RNF130: variants seen among roughly 807,000 people sequenced by gnomAD.
RNF130 encodes E3 ubiquitin-protein ligase RNF130.
A neutral mutation model predicts 44.6 loss-of-function variants in RNF130; 21 were observed. The ratio of observed to expected loss-of-function variants is 0.47; its 90% confidence interval spans 0.33 to 0.68. The LOEUF is 0.68. RNF130 is among the 30% of genes least tolerant of loss of function. The pLI, the probability that RNF130 is intolerant of heterozygous loss-of-function variation, is 0.02. For synonymous variants in RNF130, 214 were observed against 210.4 expected (o/e 1.02, Z -0.15); for missense variants, 479 against 560.6 (o/e 0.85, Z 1.47).
intron 3 of RNF130, among the ~76,000 whole-genome samples, chr5:180,002,579 G>A (rs1763368627): frequency 6.6e-6 from 1 of 152,172 alleles, no homozygotes; most frequent in Non-Finnish European, 1.5e-5. Flanking sequence ...TGTGAGGACT[G>A]GTGGGAACCC....
intron 6 of RNF130, among the ~76,000 whole-genome samples, chr5:179,968,436 A>G (rs922610651): frequency 2.0e-4 from 30 of 152,080 alleles, no homozygotes; most frequent in African/African-American, 7.2e-4. Flanking sequence ...GAGGCCGAGA[A>G]GGGCAGATCA....
At chr5:180,044,455 A>G (rs1764507990) in intron 1 of RNF130, among the ~76,000 whole-genome samples, 1 of 152,220 alleles carries the variant, frequency 6.6e-6, no homozygotes, top group Non-Finnish European at 1.5e-5. Context: ...CCTCACCTCA[A>G]TGAATAGTAA....
chr5:179,975,481 A>C (rs1055015995), intron 5 of RNF130, among the ~76,000 whole-genome samples: 6 of 152,264 alleles, frequency 3.9e-5, no homozygotes, highest in Non-Finnish European at 8.8e-5. Flanking sequence ...TCTAGCTTAA[A>C]GACTGTCACA....
At chr5:180,058,806 C>G (rs1764901617) in intron 1 of RNF130, among the ~76,000 whole-genome samples, 1 of 152,132 alleles carries the variant, frequency 6.6e-6, no homozygotes, top group South Asian at 2.1e-4. Context: ...AAGTGATCTG[C>G]CCACCTCAGC....
intron 1 of RNF130, among the ~76,000 whole-genome samples, chr5:180,051,008 G>A (rs1310319359): frequency 2.0e-5 from 3 of 151,940 alleles, no homozygotes; most frequent in Admixed American, 2.0e-4. Context: ...TCACTATGTT[G>A]CCCAGGCTGG....
In RNF130 at chr5:179,980,120, T is replaced by C. The variant is rs1213718348; in HGVS notation, c.765+9A>G. 1.2e-6 allele frequency: 2 copies of C among 1,613,646 alleles called. No homozygotes were observed. The highest frequency in any genetic ancestry group is 1.3e-5 in the African/African-American group (1 of 75,060). On this transcript the variant is annotated intron_variant, in intron 4 of 8. Coordinates refer to ENST00000521389, the MANE Select transcript of RNF130 (RefSeq NM_018434.6). ...CTTTTACGGTGCTGAAGTTGTTTCA[T>C]GACTGTACCTTGTCACCCTTCTTTA...
chr5:179,975,953 C>T (rs1483102660), intron 5 of RNF130, among the ~76,000 whole-genome samples: 2 of 151,788 alleles, frequency 1.3e-5, no homozygotes, highest in Non-Finnish European at 2.9e-5. Flanking sequence ...CGCATATGCC[C>T]GGCCTCCACC....
At chr5:179,997,659 G>T (rs1046467289) in intron 3 of RNF130, among the ~76,000 whole-genome samples, 1 of 152,024 alleles carries the variant, frequency 6.6e-6, no homozygotes, top group African/African-American at 2.4e-5. Context: ...TAGAGATGGG[G>T]TTTTGCCATG....
chr5:179,986,895 AT>A (rs1006994456), intron 3 of RNF130, among the ~76,000 whole-genome samples: 16 of 148,518 alleles, frequency 1.1e-4, no homozygotes, highest in African/African-American at 4.2e-4. Flanking sequence ...ATTCTTATGT[AT>A]TTTATTTTTA....
intron 6 of RNF130, among the ~76,000 whole-genome samples, chr5:179,968,393 C>T (rs895542011): frequency 6.6e-6 from 1 of 152,000 alleles, no homozygotes; most frequent in Non-Finnish European, 1.5e-5. Flanking sequence ...TGGCCAGGCA[C>T]GGTGGCTCAC....
intron 2 of RNF130, among the ~76,000 whole-genome samples, chr5:180,038,395 A>G (rs1379024343): frequency 7.4e-6 from 1 of 135,828 alleles, no homozygotes; most frequent in Non-Finnish European, 1.6e-5. Flanking sequence ...AGGGGGAAAA[A>G]AAAAAAGCCT....
chr5:180,030,794 T>C (rs1343398767), intron 2 of RNF130, among the ~76,000 whole-genome samples: 2 of 152,262 alleles, frequency 1.3e-5, no homozygotes, highest in Admixed American at 6.5e-5. Context: ...CATATAATAG[T>C]AGCCTTTTGT....
At chr5:180,061,454 T>C (rs1036662851) in intron 1 of RNF130, among the ~76,000 whole-genome samples, 2 of 152,286 alleles carry the variant, frequency 1.3e-5, no homozygotes, top group Admixed American at 6.5e-5. Flanking sequence ...TAAAACAACA[T>C]AGTCTCATTG....
chr5:179,939,149 A>G (rs939557091), intron 7 of RNF130, among the ~76,000 whole-genome samples: 2 of 152,114 alleles, frequency 1.3e-5, no homozygotes, highest in Non-Finnish European at 1.5e-5. Flanking sequence ...CTCGGGAGGC[A>G]GAGGTTGCAG....
chr5:179,983,201 T>A (rs1762877777), intron 3 of RNF130, among the ~76,000 whole-genome samples: 1 of 152,192 alleles, frequency 6.6e-6, no homozygotes, highest in Admixed American at 6.5e-5. Context: ...TGCTCTAGTA[T>A]CATATTAAGG....
intron 3 of RNF130, among the ~76,000 whole-genome samples, chr5:179,985,114 T>A (rs902887538): frequency 5.9e-5 from 9 of 151,680 alleles, no homozygotes; most frequent in African/African-American, 1.9e-4. Flanking sequence ...GCTCTTGAAT[T>A]TCTTCAACAT....
intron 1 of RNF130, among the ~76,000 whole-genome samples, chr5:180,045,455 C>A (rs563498642): frequency 6.6e-6 from 1 of 152,296 alleles, no homozygotes; most frequent in African/African-American, 2.4e-5. Flanking sequence ...ACCGCAGGGA[C>A]CCAAACAGTG....
chr5:179,928,088 C>G (rs1480363643), intron 7 of RNF130, among the ~76,000 whole-genome samples: 1 of 152,186 alleles, frequency 6.6e-6, no homozygotes, highest in Non-Finnish European at 1.5e-5. Flanking sequence ...TTGGTCTAAT[C>G]TTTACGGACA....
At chr5:180,021,042 C>CAATCTCGACTCACT (rs1554105068) in intron 2 of RNF130, among the ~76,000 whole-genome samples, 1 of 151,316 alleles carries the variant, frequency 6.6e-6, no homozygotes, top group South Asian at 2.1e-4. Context: ...AGTGCAGTGG[C>CAATCTCGACTCACT]GCAATCTCTG....
Sources: allele counts gnomAD v4.1 joint callset (sites outside exome capture counted in the v4.1 genomes callset), GRCh38; gene constraint gnomAD v4.1.1; transcripts MANE v1.5; gene names NCBI Gene and HGNC (gene_info 2026-07-23, HGNC 2026-07-21).